The following TMEM135 variants were observed in gnomAD, a reference collection of about 807,000 sequenced individuals.
TMEM135 encodes transmembrane protein 135.
TMEM135 carries 30 observed loss-of-function variants against 60.3 expected under a neutral mutation model. The observed-to-expected ratio is 0.50, with a 90% CI of 0.37 to 0.68. The LOEUF (loss-of-function observed/expected upper bound fraction) is 0.68, where lower values mean the gene tolerates loss of function less well. Among genes scored for constraint, TMEM135 ranks in the 30% least tolerant of loss-of-function variants. The pLI is 0.00. For synonymous variants in TMEM135, 190 were observed against 186.7 expected, an observed-to-expected ratio of 1.02 and a Z score of -0.14; for missense variants, 468 against 548.8, an observed-to-expected ratio of 0.85 and a Z score of 1.47.
rs1359639855 is a variant in TMEM135, at chr11:87,321,852, TCG to T, written c.*520_*521del. 6 of 454,350 alleles carry T rather than the reference TCG, an allele frequency of 1.3e-5. No homozygotes were observed. 28.1% of individuals were successfully genotyped at this position (454,350 alleles called of 1,614,324 possible). Reference sequence around the variant, plus strand: ...TAACTCTCCACGGACAGTGCTGCTTTCGTGTAGAGCAATTTAATTGGAGAAGT... The same window carrying T: ...TAACTCTCCACGGACAGTGCTGCTTTTGTAGAGCAATTTAATTGGAGAAGT... On this transcript the variant is annotated 3_prime_UTR_variant, in exon 15 of 15. Coordinates refer to ENST00000305494, the MANE Select transcript of TMEM135 (RefSeq NM_022918.4).
intron 5 of TMEM135, among the ~76,000 whole-genome samples, chr11:87,212,001 G>A (rs983922349): frequency 6.6e-6 from 1 of 151,806 alleles, no homozygotes. Context: ...CAAGATCTTG[G>A]GCATTTTTAT....
intron 5 of TMEM135, among the ~76,000 whole-genome samples, chr11:87,208,617 G>A (rs1046079708): frequency 1.3e-5 from 2 of 152,164 alleles, no homozygotes; most frequent in Non-Finnish European, 2.9e-5. Flanking sequence ...TAGAGAGAGA[G>A]AGCAAGCAAC....
At chr11:87,064,769 T>A (rs1412157115) in intron 1 of TMEM135, among the ~76,000 whole-genome samples, 1 of 152,068 alleles carries the variant, frequency 6.6e-6, no homozygotes, top group Non-Finnish European at 1.5e-5. Context: ...CTGTAATCCC[T>A]GCTACTTGGG....
chr11:87,325,492 C>T lies in TMEM135; in HGVS notation c.*4159C>T. The T allele has an allele frequency of 2.2e-6, 1 of 453,634 alleles. No individual in the cohort carries two copies. The highest frequency in any genetic ancestry group is 1.6e-5 in the South Asian group (1 of 64,424). 28.1% of individuals were successfully genotyped at this position (453,634 alleles called of 1,614,324 possible). On this transcript the variant is annotated 3_prime_UTR_variant, in exon 15 of 15. Coordinates refer to ENST00000305494, the MANE Select transcript of TMEM135 (RefSeq NM_022918.4). ...ATTCTGTTGCTGTTTTATGTGGGCT[C>T]TCTCTCTCTCCCTCTCTCTCTCTCT...
intron 4 of TMEM135, among the ~76,000 whole-genome samples, chr11:87,134,810 T>A (rs1445958341): frequency 6.6e-6 from 1 of 152,150 alleles, no homozygotes. Context: ...TTTTAAGAAG[T>A]GTCTAGGCTG....
intron 4 of TMEM135, among the ~76,000 whole-genome samples, chr11:87,121,854 G>C (rs1937602699): frequency 2.0e-5 from 3 of 152,034 alleles, no homozygotes; most frequent in Non-Finnish European, 4.4e-5. Flanking sequence ...TGGCCAGGGT[G>C]GTCTCGAACT....
intron 4 of TMEM135, among the ~76,000 whole-genome samples, chr11:87,127,191 A>G (rs1411171766): frequency 6.6e-6 from 1 of 152,236 alleles, no homozygotes; most frequent in Admixed American, 6.5e-5. Context: ...GTTGTTAAAC[A>G]TTTCACTTTG....
Position 87,157,324 on chromosome 11 carries a change from T to A in TMEM135, c.397-17T>A. ...GTAGATCATATATTTTTGCTGTTTT[T>A]TTTTTTTAATTTACAGGCCACAGAA... On this transcript the variant is annotated splice_polypyrimidine_tract_variant and intron_variant, in intron 4 of 14. Coordinates refer to ENST00000305494, the MANE Select transcript of TMEM135 (RefSeq NM_022918.4). 2 of 1,611,660 alleles carry A rather than the reference T, an allele frequency of 1.2e-6. No individual in the cohort carries two copies. Among genetic ancestry groups the A allele is most frequent in the Non-Finnish European group, 1.7e-6 (2 of 1,178,512 alleles).
At chr11:87,044,446 G>A (rs1296979866) in intron 1 of TMEM135, among the ~76,000 whole-genome samples, 3 of 152,074 alleles carry the variant, frequency 2.0e-5, no homozygotes, top group Non-Finnish European at 4.4e-5. Context: ...AGTCATTAAA[G>A]AATGTAAACT....
intron 3 of TMEM135, among the ~76,000 whole-genome samples, chr11:87,085,142 C>T (rs552489837): frequency 1.3e-5 from 2 of 152,240 alleles, no homozygotes; most frequent in African/African-American, 4.8e-5. Flanking sequence ...TGATATAGTA[C>T]AGTTATAAAG....
At position 87,157,391 on chromosome 11, in the gene TMEM135, A is replaced by G; in HGVS notation, c.447A>G (p.Thr149=). 1.9e-6 allele frequency: 3 copies of G among 1,613,198 alleles called. No individual in the cohort carries two copies. Among genetic ancestry groups the G allele is most frequent in the Non-Finnish European group, 2.5e-6 (3 of 1,179,514 alleles). The change falls in exon 5 of 15, where the codon ACA becomes ACG. Residue 149 remains threonine, a synonymous_variant. Transcript: ENST00000305494. Reference sequence around the variant, plus strand: ...GTGTAGCAAGAGGAACCATCACAACATTAAGAAATGGAGAAGTAAGATGAG... The same window carrying G: ...GTGTAGCAAGAGGAACCATCACAACGTTAAGAAATGGAGAAGTAAGATGAG... The part of the protein sequence containing the change: ...RMGVARGTIT[T]LRNGEVLLFC...
intron 5 of TMEM135, among the ~76,000 whole-genome samples, chr11:87,225,829 AACTTTTG>A: frequency 2.6e-5 from 4 of 152,126 alleles, no homozygotes; most frequent in Admixed American, 2.6e-4. Context: ...TGAGTACCCT[AACTTTTG>A]AGTCCAATTG....
intron 2 of TMEM135, among the ~76,000 whole-genome samples, chr11:87,069,284 C>CAAAAAAAAAAAAAAA (rs778885228): frequency 1.6e-5 from 1 of 62,548 alleles, no homozygotes; most frequent in Non-Finnish European, 3.0e-5. Context: ...GACTCCGTCT[C>CAAAAAAAAAAAAAAA]AAAAAAAAAA....
At chr11:87,230,659 G>A (rs955552459) in intron 5 of TMEM135, among the ~76,000 whole-genome samples, 2 of 152,000 alleles carry the variant, frequency 1.3e-5, no homozygotes, top group Admixed American at 1.3e-4. Context: ...GTTAAAATAT[G>A]TAAAGTGCTA....
intron 6 of TMEM135, among the ~76,000 whole-genome samples, chr11:87,292,130 C>G (rs1464845744): frequency 1.3e-5 from 2 of 152,156 alleles, no homozygotes; most frequent in Non-Finnish European, 2.9e-5. Context: ...TGTTTCTGAT[C>G]AGATTACCAA....
chr11:87,179,925 T>A (rs990552665), intron 5 of TMEM135, among the ~76,000 whole-genome samples: 4 of 146,994 alleles, frequency 2.7e-5, no homozygotes, highest in Admixed American at 6.7e-5. Context: ...ACTGGCAAGT[T>A]TTCTGTTTTT....
intron 9 of TMEM135, among the ~76,000 whole-genome samples, chr11:87,307,380 C>CAA (rs5793247): frequency 0.15 from 21,155 of 137,712 alleles, 1,728 homozygotes; most frequent in African/African-American, 0.2. Context: ...TTAAAGTGGC[C>CAA]AAAAAAAAAA....
At chr11:87,191,944 A>G (rs1488005465) in intron 5 of TMEM135, among the ~76,000 whole-genome samples, 1 of 118,404 alleles carries the variant, frequency 8.4e-6, no homozygotes, top group Non-Finnish European at 1.8e-5. Flanking sequence ...TGAGAGCTCT[A>G]TTACTGGTTT....
intron 5 of TMEM135, among the ~76,000 whole-genome samples, chr11:87,187,381 A>G (rs1939678786): frequency 6.6e-6 from 1 of 152,218 alleles, no homozygotes; most frequent in Non-Finnish European, 1.5e-5. Context: ...AAAACAGGGA[A>G]TGGAGAAATA....
Sources: allele counts gnomAD v4.1 joint callset (sites outside exome capture counted in the v4.1 genomes callset), GRCh38; gene constraint gnomAD v4.1.1; transcripts MANE v1.5; gene names NCBI Gene and HGNC (gene_info 2026-07-23, HGNC 2026-07-21).